VNN1: variants seen among roughly 807,000 people sequenced by gnomAD.
VNN1 encodes pantetheinase.
A neutral mutation model predicts 41.9 loss-of-function variants in VNN1; 29 were observed. The observed-to-expected ratio is 0.69, with a 90% CI of 0.52 to 0.94. VNN1 has a LOEUF of 0.94. Ranked by LOEUF, VNN1 falls within the 40% of genes least tolerant of loss-of-function variation. The pLI, the probability that VNN1 is intolerant of heterozygous loss-of-function variation, is 0.00. For synonymous variants in VNN1, 233 were observed against 224.4 expected, an observed-to-expected ratio of 1.04 and a Z score of -0.34; for missense variants, 637 against 621.1, an observed-to-expected ratio of 1.03 and a Z score of -0.27.
chr6:132,696,955 A>C (rs1357586486), intron 2 of VNN1, among the ~76,000 whole-genome samples: 3 of 152,030 alleles, frequency 2.0e-5, no homozygotes, highest in Non-Finnish European at 2.9e-5. Context: ...AATACAAAAA[A>C]TTAGCCAGGC....
intron 2 of VNN1, among the ~76,000 whole-genome samples, chr6:132,710,277 T>C (rs1193136698): frequency 6.6e-6 from 1 of 152,194 alleles, no homozygotes; most frequent in African/African-American, 2.4e-5. Context: ...CTCAAACTCC[T>C]GACCTCAGGT....
intron 3 of VNN1, among the ~76,000 whole-genome samples, chr6:132,693,650 C>T (rs1398687171): frequency 2.0e-5 from 3 of 152,188 alleles, no homozygotes; most frequent in Admixed American, 6.5e-5. Flanking sequence ...CTCCTCAAGA[C>T]AGAGTCTATG....
At chr6:132,709,514 A>C (rs973817489) in intron 2 of VNN1, among the ~76,000 whole-genome samples, 3 of 152,154 alleles carry the variant, frequency 2.0e-5, no homozygotes, top group African/African-American at 7.2e-5. Flanking sequence ...TACTGAAAAT[A>C]CAAAAAACTA....
intron 2 of VNN1, among the ~76,000 whole-genome samples, chr6:132,698,233 T>A (rs1452864934): frequency 1.3e-5 from 2 of 152,248 alleles, no homozygotes; most frequent in African/African-American, 4.8e-5. Flanking sequence ...AAGAGAATAA[T>A]TGAAATGCAT....
chr6:132,713,799 ACACT>A, intron 1 of VNN1, 23 bp downstream of exon 1: 1 of 1,609,322 alleles, frequency 6.2e-7, no homozygotes, highest in Non-Finnish European at 8.5e-7. Flanking sequence ...AGAATCCAGT[ACACT>A]GGAGAGATGG....
intron 2 of VNN1, among the ~76,000 whole-genome samples, chr6:132,697,037 G>A (rs1476030312): frequency 1.3e-5 from 2 of 152,158 alleles, no homozygotes; most frequent in African/African-American, 4.8e-5. Context: ...CTCGGGAGGT[G>A]GAGCTTGCAG....
In VNN1 at chr6:132,683,090, T is replaced by C. The variant is rs754942344; in HGVS notation, c.*50A>G. On this transcript the variant is annotated 3_prime_UTR_variant, in exon 7 of 7. Coordinates refer to ENST00000367928, the MANE Select transcript of VNN1 (RefSeq NM_004666.3). ...ACCCGGACCAATCTTTCTTTTCTCA[T>C]CCATCATTTTTTAAATTATCCCAAA... 53 of 1,523,424 alleles carry C rather than the reference T, an allele frequency of 3.5e-5. No individual in the cohort carries two copies. The highest frequency in any genetic ancestry group is 4.4e-5 in the Non-Finnish European group (50 of 1,126,728). The allele number at this position is 1,523,424 out of a possible 1,614,324, so 94.4% of individuals were successfully genotyped here.
At chr6:132,711,656 A>G (rs1040178991) in intron 2 of VNN1, 53 bp downstream of exon 2, 69 of 1,581,586 alleles carry the variant, frequency 4.4e-5, no homozygotes, top group Non-Finnish European at 5.7e-5. Context: ...AAGTTTTCCC[A>G]GGTAAATCAA....
In VNN1 at chr6:132,682,269, T is replaced by G. The variant is rs1778136050; in HGVS notation, c.*871A>C. On this transcript the variant is annotated 3_prime_UTR_variant, in exon 7 of 7. Coordinates refer to ENST00000367928, the MANE Select transcript of VNN1 (RefSeq NM_004666.3). ...TGAATATTCTTACCAGGTAAGCCTTTTGTTGAAGCTTCAGATTACAGTAGA... is the reference window on the plus strand; with the variant it reads ...TGAATATTCTTACCAGGTAAGCCTTGTGTTGAAGCTTCAGATTACAGTAGA... 1 of 152,200 alleles carries G rather than the reference T, an allele frequency of 6.6e-6. No individual in the cohort carries two copies. Among genetic ancestry groups the G allele is most frequent in the African/African-American group, 2.4e-5 (1 of 41,444 alleles). 9.4% of individuals were successfully genotyped at this position (152,200 alleles called of 1,614,324 possible). A position where few individuals can be genotyped will look rare whatever the true frequency, so the allele number is the denominator to read the frequency against.
intron 2 of VNN1, among the ~76,000 whole-genome samples, chr6:132,711,128 A>C (rs1418924992): frequency 6.6e-6 from 1 of 152,210 alleles, no homozygotes; most frequent in Non-Finnish European, 1.5e-5. Flanking sequence ...AATTTTAGCC[A>C]TGTGTATTCA....
At chr6:132,700,772 T>C (rs2745445) in intron 2 of VNN1, among the ~76,000 whole-genome samples, 60,791 of 152,084 alleles carry the variant, frequency 0.4, 13,817 homozygotes, top group African/African-American at 0.63. Context: ...TTATGAATGT[T>C]AGATATAAAC....
In VNN1 at chr6:132,693,156, T is replaced by C. The variant is rs1030112713; in HGVS notation, c.694A>G (p.Ile232Val). Reference sequence around the variant, plus strand: ...TTCATCCAAGCTGTTGGGAATACTATGGTGTCCACGTGGAAATCTTTCACC... The same window carrying C: ...TTCATCCAAGCTGTTGGGAATACTACGGTGTCCACGTGGAAATCTTTCACC... Reference protein sequence around the residue: ...TLVKDFHVDTIVFPTAWMNVL... With the variant: ...TLVKDFHVDTVVFPTAWMNVL... Residue 232 changes from isoleucine to valine, a missense_variant, in exon 4 of 7, where the codon ATA (isoleucine) becomes GTA (valine). Coordinates refer to ENST00000367928, the MANE Select transcript of VNN1 (RefSeq NM_004666.3). 8 of 1,614,142 alleles carry C rather than the reference T, an allele frequency of 5.0e-6. No individual in the cohort carries two copies. In the Admixed American group the frequency reaches 1.3e-4, roughly 27 times the overall value.
intron 2 of VNN1, among the ~76,000 whole-genome samples, chr6:132,709,931 A>G (rs557374168): frequency 6.6e-6 from 1 of 152,310 alleles, no homozygotes; most frequent in East Asian, 1.9e-4. Context: ...TAAATAAGAA[A>G]TAATTATGGT....
intron 1 of VNN1, among the ~76,000 whole-genome samples, chr6:132,712,959 A>G (rs1778625615): frequency 6.6e-6 from 1 of 152,146 alleles, no homozygotes; most frequent in Non-Finnish European, 1.5e-5. Context: ...ACATGGCAAA[A>G]TCCCATCTCT....
rs562511251 is a variant in VNN1 at position 132,692,281 on chromosome 6, A to G, written c.1130T>C (p.Val377Ala). Residue 377 changes from valine to alanine, a missense_variant, in exon 5 of 7, where the codon GTG becomes GCG. Transcript: ENST00000367928. ...TCCGTCAAATGCCCCTAGAGCGTAC[A>G]CTTCATTTGGTATGTTCTCAGACAT... ...YKMSENIPNEVYALGAFDGLH... is the reference protein window; with the variant it reads ...YKMSENIPNEAYALGAFDGLH... The G allele has an allele frequency of 8.1e-6, 13 of 1,613,958 alleles. No homozygotes were observed. The African/African-American group carries it at 1.6e-4, about 20-fold the overall frequency.
At chr6:132,690,302 C>T (rs57394265) in intron 5 of VNN1, among the ~76,000 whole-genome samples, 5,987 of 152,218 alleles carry the variant, frequency 0.039, 199 homozygotes, top group South Asian at 0.098. Context: ...CAGGATGTTG[C>T]TTCCAGGCTT....
intron 4 of VNN1, 43 bp from the exon 5 acceptor site, chr6:132,692,627 A>G (rs755861934): frequency 1.3e-6 from 2 of 1,515,778 alleles, no homozygotes; most frequent in East Asian, 4.5e-5. Context: ...ATTGGAAAGT[A>G]AAAAGGGATT....
intron 2 of VNN1, among the ~76,000 whole-genome samples, chr6:132,698,124 G>T (rs1778397617): frequency 6.6e-6 from 1 of 152,218 alleles, no homozygotes; most frequent in African/African-American, 2.4e-5. Flanking sequence ...AATTCAGTTT[G>T]CTTATGGTGC....
chr6:132,693,397 T>C, intron 3 of VNN1, 82 bp from the exon 4 acceptor site: 1 of 1,363,736 alleles, frequency 7.3e-7, no homozygotes, highest in Non-Finnish European at 9.8e-7. Context: ...AAGTACAAGC[T>C]CACATCTTAG....
Sources: allele counts gnomAD v4.1 joint callset (sites outside exome capture counted in the v4.1 genomes callset), GRCh38; gene constraint gnomAD v4.1.1; transcripts MANE v1.5; gene names NCBI Gene and HGNC (gene_info 2026-07-23, HGNC 2026-07-21).